ASXL2: variants seen among roughly 807,000 people sequenced by gnomAD.
ASXL2 encodes the protein putative Polycomb group protein ASXL2.
A neutral mutation model predicts 122.0 loss-of-function variants in ASXL2; 23 were observed. The observed-to-expected ratio is 0.19, with a 90% CI of 0.14 to 0.27. The LOEUF (loss-of-function observed/expected upper bound fraction) is 0.27. Among genes scored for constraint, ASXL2 ranks in the 10% least tolerant of loss-of-function variants. ASXL2 has a pLI of 1.00. For missense variants in ASXL2, 1,518 were observed against 1,713.8 expected (o/e 0.89, Z 2.02); for synonymous variants, 650 against 637.0 (o/e 1.02, Z -0.31).
intron 1 of ASXL2, among the ~76,000 whole-genome samples, chr2:25,865,152 C>T (rs1237953075): frequency 1.3e-5 from 2 of 151,708 alleles, no homozygotes; most frequent in Non-Finnish European, 2.9e-5. Context: ...CAATTTAGGC[C>T]AGGCATGGTG....
chr2:25,778,677 C>T (rs957085115), intron 5 of ASXL2, among the ~76,000 whole-genome samples: 18 of 152,262 alleles, frequency 1.2e-4, no homozygotes, highest in African/African-American at 4.1e-4. Flanking sequence ...GCACCCAAAT[C>T]GTCCCATTTT....
At chr2:25,751,261 A>C (rs1199180705) in intron 11 of ASXL2, among the ~76,000 whole-genome samples, 1 of 152,222 alleles carries the variant, frequency 6.6e-6, no homozygotes, top group South Asian at 2.1e-4. Flanking sequence ...AATAATCAAA[A>C]ACAGTCTTTC....
At chr2:25,756,606 T>C (rs2088140050) in intron 9 of ASXL2, among the ~76,000 whole-genome samples, 1 of 152,242 alleles carries the variant, frequency 6.6e-6, no homozygotes, top group African/African-American at 2.4e-5. Flanking sequence ...CCCACTTTAC[T>C]TTCCAAACGT....
intron 5 of ASXL2, among the ~76,000 whole-genome samples, chr2:25,793,425 C>T (rs1044808246): frequency 1.3e-5 from 2 of 151,982 alleles, no homozygotes; most frequent in African/African-American, 2.4e-5. Flanking sequence ...ATTATAATGT[C>T]GAACAAGGTC....
At chr2:25,749,124 G>T (rs1035488597) in intron 12 of ASXL2, among the ~76,000 whole-genome samples, 6 of 152,158 alleles carry the variant, frequency 3.9e-5, no homozygotes, top group Non-Finnish European at 8.8e-5. Context: ...TACACCAATA[G>T]TCTCCTCATG....
intron 3 of ASXL2, chr2:25,822,673 C>T (rs993838539): frequency 1.5e-6 from 1 of 677,228 alleles, no homozygotes; most frequent in South Asian, 1.4e-5. Context: ...ATAAAAAAAA[C>T]GGACAGATCA....
rs752741419 is a variant in ASXL2, at chr2:25,749,693, T to C, written c.1860+3A>G. The C allele has an allele frequency of 6.6e-6, 10 of 1,511,148 alleles. No individual in the cohort carries two copies. In the Admixed American group the frequency reaches 1.6e-4, roughly 25 times the overall value. The allele number at this position is 1,511,148 out of a possible 1,614,324, so 93.6% of individuals were successfully genotyped here. A position where few individuals can be genotyped will look rare whatever the true frequency, so the allele number is the denominator to read the frequency against. ...GCTTTTCTAATTCTCTCCATTCTCT[T>C]ACCTTGAGAGGTGGTACTTTTCGCA... is the stretch of plus-strand genomic sequence containing the variant. On this transcript the variant is annotated splice_donor_region_variant and intron_variant, in intron 12 of 12. Transcript: ENST00000435504.
chr2:25,750,110 G>A lies in ASXL2; in HGVS notation c.1446C>T (p.Cys482=). ...HELSSILPIK[C]PKDEDLLEQK... Reference sequence around the variant, plus strand: ...GCTCCAAGAGATCCTCATCCTTTGGGCACTTGATGGGAAGAATGCTGCTAA... The same window carrying A: ...GCTCCAAGAGATCCTCATCCTTTGGACACTTGATGGGAAGAATGCTGCTAA... Residue 482 remains cysteine, a synonymous_variant, in exon 12 of 13, where the codon TGC becomes TGT. Coordinates refer to ENST00000435504, the MANE Select transcript of ASXL2 (RefSeq NM_018263.6). 1 of 1,613,892 alleles carries A rather than the reference G, an allele frequency of 6.2e-7. No individual in the cohort carries two copies. The highest frequency in any genetic ancestry group is 8.5e-7 in the Non-Finnish European group (1 of 1,179,884).
In ASXL2 at chr2:25,759,370, A is replaced by AT. The variant is rs894937342; in HGVS notation, c.939+111dup. ...TCCTAAGCCTTAAAAAAACCTGCCT[A>AT]TTAAGAAACTTATGTAAAAATATTC... is the stretch of plus-strand genomic sequence containing the variant. On this transcript the variant is annotated intron_variant, in intron 9 of 12. Transcript: ENST00000435504. 3.9e-5 allele frequency: 47 copies of AT among 1,190,182 alleles called. No homozygotes were observed. The African/African-American group carries it at 5.5e-4, about 14-fold the overall frequency. 73.7% of individuals were successfully genotyped at this position (1,190,182 alleles called of 1,614,324 possible). A position where few individuals can be genotyped will look rare whatever the true frequency, so the allele number is the denominator to read the frequency against.
chr2:25,790,900 C>CT (rs1449362889), intron 5 of ASXL2, among the ~76,000 whole-genome samples: 10 of 146,700 alleles, frequency 6.8e-5, no homozygotes. Flanking sequence ...AACTTCTAGG[C>CT]TTAAGTGATC....
At chr2:25,767,971 T>C (rs2088382779) in intron 7 of ASXL2, among the ~76,000 whole-genome samples, 1 of 152,218 alleles carries the variant, frequency 6.6e-6, no homozygotes, top group African/African-American at 2.4e-5. Context: ...AAGATTCAGA[T>C]TGAGTCTGGC....
chr2:25,786,803 C>T (rs1257359214), intron 5 of ASXL2, among the ~76,000 whole-genome samples: 6 of 151,458 alleles, frequency 4.0e-5, no homozygotes, highest in Admixed American at 3.3e-4. Flanking sequence ...TGCAGTGAGC[C>T]GAGATCACAC....
At chr2:25,853,327 T>C (rs2089740162) in intron 1 of ASXL2, among the ~76,000 whole-genome samples, 1 of 152,112 alleles carries the variant, frequency 6.6e-6, no homozygotes, top group South Asian at 2.1e-4. Flanking sequence ...AACAGAGCCT[T>C]TGGAGGAAAG....
chr2:25,837,953 C>CAA (rs34490545), intron 2 of ASXL2, among the ~76,000 whole-genome samples: 104 of 65,298 alleles, frequency 1.6e-3, no homozygotes, highest in South Asian at 5.7e-3. Flanking sequence ...CCTGTCTCTA[C>CAA]AAAAAAAAAA....
intron 3 of ASXL2, among the ~76,000 whole-genome samples, chr2:25,833,952 C>T (rs1212227994): frequency 2.0e-5 from 3 of 152,134 alleles, no homozygotes; most frequent in Admixed American, 6.5e-5. Context: ...TTTCAGAGCC[C>T]GTTTCTTGCC....
rs2087746203 is a variant in ASXL2, at chr2:25,736,952, A to G, written c.*5077T>C. The G allele has an allele frequency of 1.3e-5, 2 of 152,198 alleles. No individual in the cohort carries two copies. Among genetic ancestry groups the G allele is most frequent in the African/African-American group, 2.4e-5 (1 of 41,462 alleles). The allele number at this position is 152,198 out of a possible 1,614,324, so 9.4% of individuals were successfully genotyped here. The stretch of plus-strand genomic sequence containing the variant: ...ATCAAGTATTTACTTTGCAGCCACA[A>G]AATGAGTTCTCGTGGATTAGACAGC... On this transcript the variant is annotated 3_prime_UTR_variant, in exon 13 of 13. Coordinates refer to ENST00000435504, the MANE Select transcript of ASXL2 (RefSeq NM_018263.6).
intron 3 of ASXL2, chr2:25,810,508 G>T: frequency 2.7e-6 from 2 of 744,660 alleles, no homozygotes. Context: ...GTTCAAGGAG[G>T]CCACCTCAGC....
intron 3 of ASXL2, among the ~76,000 whole-genome samples, chr2:25,830,001 G>C (rs1386490836): frequency 2.0e-5 from 3 of 152,208 alleles, no homozygotes; most frequent in Admixed American, 2.0e-4. Context: ...AACCCAGCCT[G>C]TGAAAATTCC....
intron 6 of ASXL2, among the ~76,000 whole-genome samples, chr2:25,770,176 C>A (rs1472756028): frequency 6.6e-6 from 1 of 152,190 alleles, no homozygotes; most frequent in African/African-American, 2.4e-5. Flanking sequence ...GCATCTATTT[C>A]TGCTGTGATC....
Sources: gnomAD v4.1 joint callset for allele counts (sites outside exome capture counted in the v4.1 genomes callset) on GRCh38, gnomAD v4.1.1 for gene constraint, MANE v1.5 for transcripts, NCBI Gene and HGNC (gene_info 2026-07-23, HGNC 2026-07-21) for gene names.